The following ST3GAL2 variants were observed in gnomAD, a reference collection of about 807,000 sequenced individuals.
ST3GAL2 encodes ST3 beta-galactoside alpha-2,3-sialyltransferase 2, also known as CMP-N-acetylneuraminate-beta-galactosamide-alpha-2,3-sialyltransferase 2.
A neutral mutation model predicts 37.5 loss-of-function variants in ST3GAL2; 16 were observed. That is an observed-to-expected ratio of 0.43 (90% CI 0.29 to 0.65). ST3GAL2 has a LOEUF of 0.65. ST3GAL2 is among the 30% of genes least tolerant of loss of function. The pLI is 0.17. For synonymous variants in ST3GAL2, 238 were observed against 202.9 expected (o/e 1.17, Z -1.47); for missense variants, 383 against 487.8 (o/e 0.79, Z 2.02).
rs1229491298 is a variant in ST3GAL2, at chr16:70,420,469, A to G, written c.-1004+18480T>C. ...CAGAGATCTGACTGCAGGGTGGTCA[A>G]GTAGTCTGGAGAGGATTCCTGGTGG... On this transcript the variant is annotated intron_variant, in intron 1 of 6. Coordinates refer to ENST00000342907, the MANE Select transcript of ST3GAL2 (RefSeq NM_006927.4). 2.0e-5 allele frequency among the ~76,000 whole-genome samples: 3 copies of G among 152,144 alleles called. No homozygotes were observed. The East Asian group carries it at 5.8e-4, about 29-fold the overall frequency.
chr16:70,379,968 AAG>A lies in ST3GAL2; in HGVS notation c.*1719_*1720del, dbSNP rs1319339660. ...TCATGATTTAAAGCAAAAGAAAAAA[AAG>A]AAATAAATTATTCTGCTCAATACTG... On this transcript the variant is annotated 3_prime_UTR_variant, in exon 7 of 7. Transcript: ENST00000342907. The A allele has an allele frequency of 1.1e-4, 17 of 152,228 alleles. No homozygotes were observed. The highest frequency in any genetic ancestry group is 5.8e-4 in the East Asian group (3 of 5,182). The allele number at this position is 152,228 out of a possible 1,614,324, so 9.4% of individuals were successfully genotyped here. A position where few individuals can be genotyped will look rare whatever the true frequency, so the allele number is the denominator to read the frequency against.
At chr16:70,431,115 G>C (rs954702037) in intron 1 of ST3GAL2, among the ~76,000 whole-genome samples, 1 of 151,044 alleles carries the variant, frequency 6.6e-6, no homozygotes, top group African/African-American at 2.4e-5. Context: ...CAGGCAGCAG[G>C]GGGTGGAGAG....
intron 1 of ST3GAL2, among the ~76,000 whole-genome samples, chr16:70,433,798 C>T (rs1443318862): frequency 6.6e-6 from 1 of 152,208 alleles, no homozygotes; most frequent in Non-Finnish European, 1.5e-5. Flanking sequence ...CAAAGGCAGC[C>T]AAGTTGCTGC....
At chr16:70,426,498 C>A (rs374108405) in intron 1 of ST3GAL2, among the ~76,000 whole-genome samples, 1 of 150,674 alleles carries the variant, frequency 6.6e-6, no homozygotes, top group Non-Finnish European at 1.5e-5. Flanking sequence ...CCACACCCGG[C>A]CCTCAGAAGT....
Position 70,381,652 on chromosome 16 carries a change from C to G in ST3GAL2, c.*37G>C, listed in dbSNP as rs1444137867. The G allele has an allele frequency of 1.8e-5, 29 of 1,604,316 alleles. No homozygotes were observed. Among genetic ancestry groups the G allele is most frequent in the Non-Finnish European group, 2.5e-5 (29 of 1,175,174 alleles). On this transcript the variant is annotated 3_prime_UTR_variant, in exon 7 of 7. Transcript: ENST00000342907. ...GGTCCCGGGCCGGAGCCCCGGTGCCCGATAGATGGGCCGGAAGGGTCGCGG... is the reference window on the plus strand; with the variant it reads ...GGTCCCGGGCCGGAGCCCCGGTGCCGGATAGATGGGCCGGAAGGGTCGCGG...
Position 70,381,671 on chromosome 16 carries a change from GT to G in ST3GAL2, c.*17del. 1 of 1,610,810 alleles carries G rather than the reference GT, an allele frequency of 6.2e-7. No individual in the cohort carries two copies. Among genetic ancestry groups the G allele is most frequent in the East Asian group, 2.2e-5 (1 of 44,830 alleles). On this transcript the variant is annotated 3_prime_UTR_variant, in exon 7 of 7. Transcript: ENST00000342907. ...GGTGCCCGATAGATGGGCCGGAAGG[GT>G]CGCGGCGAGGCCCGGCTCAGTTGCC...
At chr16:70,404,419 T>A (rs1423440104) in intron 1 of ST3GAL2, among the ~76,000 whole-genome samples, 1 of 152,258 alleles carries the variant, frequency 6.6e-6, no homozygotes, top group East Asian at 1.9e-4. Context: ...TCCAGGGGTA[T>A]TGCGAGGCTC....
intron 1 of ST3GAL2, among the ~76,000 whole-genome samples, chr16:70,416,551 G>A (rs773628754): frequency 6.6e-6 from 1 of 152,122 alleles, no homozygotes; most frequent in Non-Finnish European, 1.5e-5. Flanking sequence ...TTGCCCAACT[G>A]AGTATCATCT....
chr16:70,423,572 A>T (rs760880946), intron 1 of ST3GAL2, among the ~76,000 whole-genome samples: 35 of 152,274 alleles, frequency 2.3e-4, no homozygotes, highest in Non-Finnish European at 3.2e-4. Flanking sequence ...TGCAATTCAG[A>T]CAACCTGGGT....
At chr16:70,383,592 G>A (rs2047421325) in intron 4 of ST3GAL2, among the ~76,000 whole-genome samples, 1 of 150,880 alleles carries the variant, frequency 6.6e-6, no homozygotes. Context: ...GAGGGGTGGG[G>A]AGGGGAAGGG....
intron 1 of ST3GAL2, among the ~76,000 whole-genome samples, chr16:70,422,273 G>A (rs2047720423): frequency 6.6e-6 from 1 of 152,220 alleles, no homozygotes; most frequent in African/African-American, 2.4e-5. Context: ...AATGACTGTA[G>A]GCTGTGGAGT....
chr16:70,383,457 A>G (rs79752985), intron 4 of ST3GAL2, among the ~76,000 whole-genome samples: 13,235 of 151,268 alleles, frequency 0.087, 1,920 homozygotes, highest in African/African-American at 0.3. Flanking sequence ...GGTGGAGCAC[A>G]GCTGTTATCC....
intron 1 of ST3GAL2, among the ~76,000 whole-genome samples, chr16:70,401,414 G>C (rs1021268510): frequency 1.3e-5 from 2 of 152,020 alleles, no homozygotes; most frequent in South Asian, 2.1e-4. Context: ...CAGAGAAGTA[G>C]AGCATCTGGC....
At chr16:70,398,157 G>C in intron 2 of ST3GAL2, 35 bp downstream of exon 2, 1 of 1,595,252 alleles carries the variant, frequency 6.3e-7, no homozygotes, top group Non-Finnish European at 8.6e-7. Context: ...CTAAAACTGG[G>C]GGACAGATCC....
Position 70,439,049 on chromosome 16 carries a change from T to C in ST3GAL2, c.-1104A>G, listed in dbSNP as rs1162722171. On this transcript the variant is annotated 5_prime_UTR_variant, in exon 1 of 7. Coordinates refer to ENST00000342907, the MANE Select transcript of ST3GAL2 (RefSeq NM_006927.4). The stretch of plus-strand genomic sequence containing the variant: ...GCCGCCGCCGCCGCCGCCGCCGCCG[T>C]CGTCCGGACCCGTTAGCTCGCAGCT... 65 of 160,214 alleles carry C rather than the reference T, an allele frequency of 4.1e-4. No homozygotes were observed. In the East Asian group the frequency reaches 5.1e-3, roughly 12 times the overall value. The allele number at this position is 160,214 out of a possible 1,614,324, so 9.9% of individuals were successfully genotyped here.
chr16:70,427,420 C>T (rs1281074958), intron 1 of ST3GAL2, among the ~76,000 whole-genome samples: 1 of 150,846 alleles, frequency 6.6e-6, no homozygotes, highest in South Asian at 2.1e-4. Context: ...CTCACTGCAA[C>T]CTCCACCTCC....
intron 1 of ST3GAL2, among the ~76,000 whole-genome samples, chr16:70,419,682 G>A (rs577540007): frequency 6.9e-4 from 105 of 152,290 alleles, no homozygotes; most frequent in African/African-American, 2.5e-3. Context: ...CCAGCCTGGC[G>A]GCCAGAGGTC....
At chr16:70,431,985 A>ATATATATATATTTT (rs1454729972) in intron 1 of ST3GAL2, among the ~76,000 whole-genome samples, 36 of 139,056 alleles carry the variant, frequency 2.6e-4, no homozygotes, top group African/African-American at 9.9e-4. Flanking sequence ...ATATATATAT[A>ATATATATATATTTT]TTTTTTTTTA....
At chr16:70,432,696 T>G (rs1329881368) in intron 1 of ST3GAL2, among the ~76,000 whole-genome samples, 1 of 152,200 alleles carries the variant, frequency 6.6e-6, no homozygotes, top group Admixed American at 6.5e-5. Flanking sequence ...TGGAGATGTC[T>G]ACCCTAATAG....
Sources: gnomAD v4.1 joint callset for allele counts (sites outside exome capture counted in the v4.1 genomes callset) on GRCh38, gnomAD v4.1.1 for gene constraint, MANE v1.5 for transcripts, NCBI Gene and HGNC (gene_info 2026-07-23, HGNC 2026-07-21) for gene names.